The following LHFPL2 variants were observed in gnomAD, a reference collection of about 807,000 sequenced individuals.
LHFPL2 encodes LHFPL tetraspan subfamily member 2 protein.
A neutral mutation model predicts 17.5 loss-of-function variants in LHFPL2; 7 were observed. That is an observed-to-expected ratio of 0.40 (90% CI 0.23 to 0.75). LHFPL2 has a LOEUF of 0.75. Among genes scored for constraint, LHFPL2 ranks in the 30% least tolerant of loss-of-function variants. LHFPL2 has a pLI of 0.37. For missense variants in LHFPL2, 241 were observed against 294.8 expected, an observed-to-expected ratio of 0.82 and a Z score of 1.34; for synonymous variants, 134 against 116.2, an observed-to-expected ratio of 1.15 and a Z score of -0.99.
intron 2 of LHFPL2, among the ~76,000 whole-genome samples, chr5:78,566,002 G>A (rs1041036753): frequency 2.0e-5 from 3 of 152,110 alleles, no homozygotes; most frequent in African/African-American, 2.4e-5. Flanking sequence ...CACTGTATAC[G>A]AGTAAATATT....
At chr5:78,565,095 A>G (rs1238958570) in intron 2 of LHFPL2, among the ~76,000 whole-genome samples, 4 of 152,202 alleles carry the variant, frequency 2.6e-5, no homozygotes, top group African/African-American at 7.2e-5. Context: ...GTAAAAGGCC[A>G]GGGGGGAATG....
At chr5:78,629,436 C>G (rs955973156) in intron 2 of LHFPL2, among the ~76,000 whole-genome samples, 1 of 152,200 alleles carries the variant, frequency 6.6e-6, no homozygotes, top group Non-Finnish European at 1.5e-5. Flanking sequence ...CTAAATTATG[C>G]ATTGATTGTG....
chr5:78,625,791 A>T (rs1402013339), intron 2 of LHFPL2: 1 of 152,208 alleles, frequency 6.6e-6, no homozygotes, highest in Non-Finnish European at 1.5e-5. Context: ...AACAAACAAG[A>T]CAGACAAGAG....
intron 3 of LHFPL2, among the ~76,000 whole-genome samples, chr5:78,515,415 G>A (rs1041957843): frequency 6.6e-6 from 1 of 152,200 alleles, no homozygotes; most frequent in Non-Finnish European, 1.5e-5. Context: ...GAAACTGGAA[G>A]TTACATCTAA....
At chr5:78,623,002 G>A (rs1267730693) in intron 2 of LHFPL2, among the ~76,000 whole-genome samples, 1 of 152,146 alleles carries the variant, frequency 6.6e-6, no homozygotes, top group Non-Finnish European at 1.5e-5. Flanking sequence ...AATAGGGGAG[G>A]AAATCATCTA....
chr5:78,569,871 T>C (rs893091223), intron 2 of LHFPL2, among the ~76,000 whole-genome samples: 4 of 152,210 alleles, frequency 2.6e-5, no homozygotes, highest in Admixed American at 6.5e-5. Context: ...GATTCAAACA[T>C]TATCCCATCA....
At position 78,631,149 on chromosome 5, in the gene LHFPL2, C is replaced by G. The variant is rs575908967; in HGVS notation, c.-245+1115G>C. Among the ~76,000 whole-genome samples the G allele has an allele frequency of 2.0e-3, 300 of 152,374 alleles. 1 individual carries two copies. Among genetic ancestry groups the G allele is most frequent in the African/African-American group, 6.8e-3 (282 of 41,586 alleles). On this transcript the variant is annotated intron_variant, in intron 2 of 4. Transcript: ENST00000380345. ...TGTTCTAAAACAAATGCTCAAGCCA[C>G]TGAGGCATATTTTAATCTCCTTCAG...
chr5:78,602,108 G>A (rs1744042115), intron 2 of LHFPL2, among the ~76,000 whole-genome samples: 1 of 151,966 alleles, frequency 6.6e-6, no homozygotes, highest in Non-Finnish European at 1.5e-5. Flanking sequence ...TTCCAGAAAA[G>A]GCAGAGTATA....
intron 2 of LHFPL2, among the ~76,000 whole-genome samples, chr5:78,609,606 C>T (rs565307377): frequency 1.3e-5 from 2 of 151,804 alleles, no homozygotes; most frequent in East Asian, 3.9e-4. Flanking sequence ...GAAAAGAAAA[C>T]AGTGTTTTCT....
At chr5:78,532,308 C>T (rs1314129353) in intron 3 of LHFPL2, among the ~76,000 whole-genome samples, 1 of 152,184 alleles carries the variant, frequency 6.6e-6, no homozygotes, top group Non-Finnish European at 1.5e-5. Flanking sequence ...GATCCACCTG[C>T]CTTGGCCTCC....
At chr5:78,638,198 C>T (rs113593034) in intron 1 of LHFPL2, among the ~76,000 whole-genome samples, 5,410 of 151,900 alleles carry the variant, frequency 0.036, 304 homozygotes, top group African/African-American at 0.11. Context: ...ACTAAAAATA[C>T]AAAAAAATTA....
intron 1 of LHFPL2, among the ~76,000 whole-genome samples, chr5:78,646,391 GT>G (rs1252482648): frequency 6.6e-6 from 1 of 152,240 alleles, no homozygotes; most frequent in African/African-American, 2.4e-5. Flanking sequence ...ATAATCATCA[GT>G]AACACTTTCT....
chr5:78,509,635 C>A lies in LHFPL2; in HGVS notation c.430+149G>T, dbSNP rs1755041500. ...CCATGCGAGCAGCACACAAACGTCG[C>A]CTAGAACGGAAGGGGCAAAGGAAAC... On this transcript the variant is annotated intron_variant, in intron 4 of 4. Transcript: ENST00000380345. 5.3e-6 allele frequency: 4 copies of A among 758,340 alleles called. No individual in the cohort carries two copies. The Admixed American group carries it at 9.9e-5, about 19-fold the overall frequency. The allele number at this position is 758,340 out of a possible 1,614,324, so 47.0% of individuals were successfully genotyped here.
intron 3 of LHFPL2, among the ~76,000 whole-genome samples, chr5:78,522,064 T>C (rs1238322067): frequency 6.6e-6 from 1 of 152,140 alleles, no homozygotes; most frequent in African/African-American, 2.4e-5. Context: ...ACCCAGAATA[T>C]TTGCTTTTTC....
At chr5:78,605,171 TG>T (rs1437999177) in intron 2 of LHFPL2, among the ~76,000 whole-genome samples, 1 of 152,220 alleles carries the variant, frequency 6.6e-6, no homozygotes, top group Non-Finnish European at 1.5e-5. Context: ...AGCCATGGCT[TG>T]GCTTGGGTTT....
intron 2 of LHFPL2, among the ~76,000 whole-genome samples, chr5:78,578,512 T>A (rs1372303173): frequency 6.6e-6 from 1 of 152,006 alleles, no homozygotes; most frequent in East Asian, 1.9e-4. Flanking sequence ...TACAGAGGTT[T>A]TGGCAATTCC....
At chr5:78,505,504 TTGAC>T (rs1465985287) in intron 4 of LHFPL2, among the ~76,000 whole-genome samples, 1 of 152,158 alleles carries the variant, frequency 6.6e-6, no homozygotes, top group Non-Finnish European at 1.5e-5. Flanking sequence ...TCTTGTCAAT[TTGAC>T]TGCTCTCTCC....
chr5:78,527,368 T>TTG (rs1228230376), intron 3 of LHFPL2, among the ~76,000 whole-genome samples: 12 of 147,544 alleles, frequency 8.1e-5, no homozygotes, highest in South Asian at 2.2e-4. Flanking sequence ...GAGGAGTTTT[T>TTG]TTTTTTTTTT....
intron 3 of LHFPL2, among the ~76,000 whole-genome samples, chr5:78,515,779 C>G (rs1209727442): frequency 2.6e-5 from 4 of 152,112 alleles, no homozygotes; most frequent in African/African-American, 7.2e-5. Flanking sequence ...CACAGAAAGG[C>G]CACTGTGAGG....
Sources: allele counts gnomAD v4.1 joint callset (sites outside exome capture counted in the v4.1 genomes callset), GRCh38; gene constraint gnomAD v4.1.1; transcripts MANE v1.5; gene names NCBI Gene and HGNC (gene_info 2026-07-23, HGNC 2026-07-21).